The following LTBP1 variants were observed in gnomAD, a reference collection of about 807,000 sequenced individuals.
LTBP1 encodes latent transforming growth factor beta binding protein 1, also known as latent-transforming growth factor beta-binding protein 1.
Under a neutral mutation model 207.6 loss-of-function variants are expected in LTBP1, and 129 were observed. The ratio of observed to expected loss-of-function variants is 0.62; its 90% CI spans 0.54 to 0.72. The LOEUF (loss-of-function observed/expected upper bound fraction) is 0.72, where lower values mean the gene tolerates loss of function less well. Among genes scored for constraint, LTBP1 ranks in the 30% least tolerant of loss-of-function variants. The probability of loss-of-function intolerance (pLI) is 0.00; values close to 1 mark genes in which losing one functional copy is unlikely to be tolerated. For synonymous variants in LTBP1, 963 were observed against 833.7 expected, an observed-to-expected ratio of 1.16 and a Z score of -2.67; for missense variants, 2,281 against 2,217.2, an observed-to-expected ratio of 1.03 and a Z score of -0.58.
At chr2:33,075,623 G>A (rs925449712) in intron 3 of LTBP1, among the ~76,000 whole-genome samples, 2 of 152,112 alleles carry the variant, frequency 1.3e-5, no homozygotes, top group African/African-American at 2.4e-5. Context: ...AAATTGAACC[G>A]TTAAAATGGC....
intron 17 of LTBP1, among the ~76,000 whole-genome samples, 177 bp from the exon 18 acceptor site, chr2:33,275,624 C>T (rs1227511989): frequency 6.6e-6 from 1 of 151,662 alleles, no homozygotes; most frequent in East Asian, 1.9e-4. Context: ...GTGGAGGTTG[C>T]AGTGAGCCGA....
intron 3 of LTBP1, among the ~76,000 whole-genome samples, chr2:33,062,723 A>C (rs186251359): frequency 8.1e-4 from 123 of 152,250 alleles, no homozygotes; most frequent in Non-Finnish European, 1.5e-3. Context: ...CAAGACCCCC[A>C]ATGGATGCCT....
chr2:33,154,183 T>C (rs1040176595), intron 5 of LTBP1, among the ~76,000 whole-genome samples: 1 of 152,220 alleles, frequency 6.6e-6, no homozygotes, highest in Non-Finnish European at 1.5e-5. Context: ...ATACCAAAAT[T>C]ACATTAGCTA....
intron 15 of LTBP1, among the ~76,000 whole-genome samples, chr2:33,268,992 C>T (rs1225340748): frequency 1.3e-5 from 2 of 152,174 alleles, no homozygotes; most frequent in African/African-American, 4.8e-5. Flanking sequence ...ATGTTTGTCC[C>T]TCAAGCATAT....
chr2:32,969,238 T>C (rs1448468188), intron 2 of LTBP1, among the ~76,000 whole-genome samples: 2 of 111,582 alleles, frequency 1.8e-5, no homozygotes, highest in African/African-American at 3.6e-5. Flanking sequence ...TTTGTGTGTG[T>C]GTGTGTGTGT....
At chr2:33,227,731 A>G (rs2091520130) in intron 9 of LTBP1, among the ~76,000 whole-genome samples, 1 of 151,382 alleles carries the variant, frequency 6.6e-6, no homozygotes. Context: ...CCAGAGGCCC[A>G]ATTTTTAAAA....
chr2:33,172,727 A>G (rs1377467085), intron 5 of LTBP1, among the ~76,000 whole-genome samples: 1 of 152,254 alleles, frequency 6.6e-6, no homozygotes, highest in Admixed American at 6.5e-5. Flanking sequence ...CACAACACCT[A>G]TTCCAAAATT....
At chr2:33,385,138 T>C (rs1488819215) in intron 31 of LTBP1, among the ~76,000 whole-genome samples, 1 of 152,246 alleles carries the variant, frequency 6.6e-6, no homozygotes, top group Admixed American at 6.5e-5. Context: ...ACTTTATCAC[T>C]GCACAACCAA....
At chr2:33,219,550 TA>T (rs779390917) in intron 8 of LTBP1, among the ~76,000 whole-genome samples, 2 of 152,082 alleles carry the variant, frequency 1.3e-5, no homozygotes, top group Non-Finnish European at 2.9e-5. Context: ...TTTTTTTTTT[TA>T]AACCTGCCTC....
chr2:33,263,274 T>C lies in LTBP1; in HGVS notation c.2519-20T>C. The C allele has an allele frequency of 6.7e-7, 1 of 1,495,490 alleles. No individual in the cohort carries two copies. Among genetic ancestry groups the C allele is most frequent in the Non-Finnish European group, 9.3e-7 (1 of 1,073,396 alleles). The allele number at this position is 1,495,490 out of a possible 1,614,324, so 92.6% of individuals were successfully genotyped here. ...ATAACGGGCTTTAATTTTCTTTTTATCCTCTGCTTCCTCATATAGTAGTGA... is the reference window on the plus strand; with the variant it reads ...ATAACGGGCTTTAATTTTCTTTTTACCCTCTGCTTCCTCATATAGTAGTGA... On this transcript the variant is annotated intron_variant, in intron 14 of 33. Transcript: ENST00000404816.
rs1553516856 is a variant in LTBP1 at position 33,361,411 on chromosome 2, T to TG, written c.4184-17dup. On this transcript the variant is annotated splice_polypyrimidine_tract_variant and intron_variant, in intron 27 of 33. Coordinates refer to ENST00000404816, the MANE Select transcript of LTBP1 (RefSeq NM_206943.4). ...AGATGTTGAATCTTTTTTTTTTTTT[T>TG]GTCTCTTCTAAAATCAGCTGAGTTC... 6.6e-7 allele frequency: 1 copy of TG among 1,506,692 alleles called. No individual in the cohort carries two copies. Among genetic ancestry groups the TG allele is most frequent in the Non-Finnish European group, 9.0e-7 (1 of 1,105,634 alleles). The allele number at this position is 1,506,692 out of a possible 1,614,324, so 93.3% of individuals were successfully genotyped here. A position where few individuals can be genotyped will look rare whatever the true frequency, so the allele number is the denominator to read the frequency against.
At chr2:33,266,945 AAG>A (rs1553475131) in intron 15 of LTBP1, among the ~76,000 whole-genome samples, 2 of 152,168 alleles carry the variant, frequency 1.3e-5, no homozygotes, top group Admixed American at 6.5e-5. Flanking sequence ...AGAAGGGAAG[AAG>A]AGCTGTGGCC....
In LTBP1 at chr2:33,138,984, G is replaced by A. The variant is rs372587124; in HGVS notation, c.1201+4024G>A. On this transcript the variant is annotated intron_variant, in intron 5 of 33. Coordinates refer to ENST00000404816, the MANE Select transcript of LTBP1 (RefSeq NM_206943.4). ...CGCCATTCTCCTGCCTCAGCCTCCC[G>A]AGTAGCTGGGACTACAGGCGCCCGC... 8.9e-3 allele frequency among the ~76,000 whole-genome samples: 1,299 copies of A among 146,192 alleles called. 10 individuals are homozygous for A. Among genetic ancestry groups the A allele is most frequent in the Middle Eastern group, 0.047 (13 of 276 alleles).
intron 3 of LTBP1, among the ~76,000 whole-genome samples, chr2:33,084,824 G>C (rs1296098172): frequency 3.3e-5 from 5 of 152,196 alleles, no homozygotes; most frequent in African/African-American, 1.2e-4. Flanking sequence ...GCGGGGTAGA[G>C]TCCACCATGA....
rs928649254 is a variant in LTBP1, at chr2:32,979,089, T to G, written c.565+30144T>G. On this transcript the variant is annotated intron_variant, in intron 2 of 33. Coordinates refer to ENST00000404816, the MANE Select transcript of LTBP1 (RefSeq NM_206943.4). ...ATTTTATTTATTTGGGTCTCCTCTT[T>G]TTTCTTAGTTTGGTCAGAGATTTAT... Among the ~76,000 whole-genome samples the G allele has an allele frequency of 6.7e-4, 101 of 151,808 alleles. 3 individuals are homozygous for G. The highest frequency in any genetic ancestry group is 2.0e-4 in the Admixed American group (3 of 15,262).
chr2:33,325,888 A>G (rs2094420153), intron 24 of LTBP1, among the ~76,000 whole-genome samples: 1 of 152,108 alleles, frequency 6.6e-6, no homozygotes, highest in Admixed American at 6.5e-5. Flanking sequence ...TTCCTTTAAA[A>G]ATTTTAGAAG....
chr2:33,305,711 T>C (rs900172077), intron 22 of LTBP1, among the ~76,000 whole-genome samples: 1 of 152,160 alleles, frequency 6.6e-6, no homozygotes, highest in South Asian at 2.1e-4. Context: ...AGAAGAGAGA[T>C]AAATCCCGGG....
At chr2:33,313,277 C>A (rs2094213441) in intron 23 of LTBP1, among the ~76,000 whole-genome samples, 1 of 152,048 alleles carries the variant, frequency 6.6e-6, no homozygotes, top group South Asian at 2.1e-4. Context: ...GATGGACAGG[C>A]CAAATAATCT....
At chr2:33,320,989 AC>A (rs1376292241) in intron 24 of LTBP1, among the ~76,000 whole-genome samples, 1 of 151,992 alleles carries the variant, frequency 6.6e-6, no homozygotes, top group African/African-American at 2.4e-5. Flanking sequence ...AAAAATGAAA[AC>A]CTTTCATTTT....
Sources: gnomAD v4.1 joint callset for allele counts (sites outside exome capture counted in the v4.1 genomes callset) on GRCh38, gnomAD v4.1.1 for gene constraint, MANE v1.5 for transcripts, NCBI Gene and HGNC (gene_info 2026-07-23, HGNC 2026-07-21) for gene names.